The following COX7A2L variants were observed in gnomAD, a reference collection of about 807,000 sequenced individuals.
The protein encoded by COX7A2L is cytochrome c oxidase subunit 7A2-like, mitochondrial.
Under a neutral mutation model 14.2 loss-of-function variants are expected in COX7A2L, and 18 were observed. That is an observed-to-expected ratio of 1.27 (90% CI 0.88 to 1.88). The LOEUF (loss-of-function observed/expected upper bound fraction) is 1.88, where lower values mean the gene tolerates loss of function less well. Ranked by LOEUF, COX7A2L falls within the 40% of genes most tolerant of loss-of-function variation. The pLI is 0.00. For missense variants in COX7A2L, 179 were observed against 138.8 expected (o/e 1.29, Z -1.46); for synonymous variants, 65 against 57.4 (o/e 1.13, Z -0.60).
downstream of COX7A2L, among the ~76,000 whole-genome samples, chr2:42,349,144 A>G (rs889732908): frequency 5.9e-5 from 9 of 152,356 alleles, no homozygotes; most frequent in African/African-American, 2.2e-4. Context: ...ACATATGTCC[A>G]TGTAAACATA....
Position 42,351,301 on chromosome 2 carries a change from C to A in COX7A2L, c.263G>T (p.Arg88Leu). 6.2e-7 allele frequency: 1 copy of A among 1,614,058 alleles called. No homozygotes were observed. Among genetic ancestry groups the A allele is most frequent in the Non-Finnish European group, 8.5e-7 (1 of 1,180,014 alleles). Residue 88 changes from arginine to leucine, a missense_variant, in exon 3 of 3, where the codon CGG becomes CTG. Coordinates refer to ENST00000234301, the MANE Select transcript of COX7A2L (RefSeq NM_004718.4). ...TCCCACAGTCAGCGCCATGGTGGTC[C>A]GGTAAAGCATTTGGTCAGGCAGGCC... is the stretch of plus-strand genomic sequence containing the variant. ...KRGLPDQMLYRTTMALTVGGT... is the reference protein window; with the variant it reads ...KRGLPDQMLYLTTMALTVGGT...
intron 1 of COX7A2L, among the ~76,000 whole-genome samples, chr2:42,357,106 G>C (rs1670845105): frequency 6.6e-6 from 1 of 152,256 alleles, no homozygotes; most frequent in East Asian, 1.9e-4. Flanking sequence ...AATTTTTAAA[G>C]AGAAAAGTAA....
At chr2:42,353,182 G>A (rs539652194) in intron 2 of COX7A2L, 30 bp downstream of exon 2, 3 of 1,601,852 alleles carry the variant, frequency 1.9e-6, no homozygotes, top group African/African-American at 1.4e-5. Flanking sequence ...TATTTCACAG[G>A]CTTTTCTGTT....
chr2:42,367,800 A>G (rs1423380385), intron 1 of COX7A2L, among the ~76,000 whole-genome samples: 1 of 152,250 alleles, frequency 6.6e-6, no homozygotes, highest in Non-Finnish European at 1.5e-5. Flanking sequence ...GCTTTCTGAC[A>G]GCAGGGAGAG....
intron 2 of COX7A2L, among the ~76,000 whole-genome samples, chr2:42,352,142 T>C (rs1015797562): frequency 2.6e-5 from 4 of 152,218 alleles, no homozygotes; most frequent in Non-Finnish European, 1.5e-5. Context: ...CATTTAATAA[T>C]CAAATTCCAT....
chr2:42,364,606 T>C (rs144469068), upstream of COX7A2L, among the ~76,000 whole-genome samples: 31 of 152,336 alleles, frequency 2.0e-4, no homozygotes, highest in East Asian at 7.7e-4. Context: ...GTAATTTTCA[T>C]GTGGCAGAAA....
intron 1 of COX7A2L, among the ~76,000 whole-genome samples, chr2:42,357,923 T>C (rs1158900978): frequency 6.6e-6 from 1 of 152,310 alleles, no homozygotes; most frequent in Non-Finnish European, 1.5e-5. Flanking sequence ...CAAACTTACC[T>C]ACCCAATGCT....
intron 1 of COX7A2L, chr2:42,359,689 C>T (rs926590111): frequency 6.6e-6 from 1 of 152,078 alleles, no homozygotes; most frequent in Non-Finnish European, 1.5e-5. Flanking sequence ...AACCTTTCTT[C>T]CCTACAAATT....
rs976251396 is a variant in COX7A2L, at chr2:42,349,650, T to C, written c.*1569A>G. 2 of 152,190 alleles carry C rather than the reference T, an allele frequency of 1.3e-5. No individual in the cohort carries two copies. Among genetic ancestry groups the C allele is most frequent in the East Asian group, 3.8e-4 (2 of 5,202 alleles). The allele number at this position is 152,190 out of a possible 1,614,324, so 9.4% of individuals were successfully genotyped here. ...CTGTTATTTTTTAAAAACACAACTA[T>C]GAAGAACTCATTATTAGAACACCTG... is the stretch of plus-strand genomic sequence containing the variant. On this transcript the variant is annotated 3_prime_UTR_variant, in exon 3 of 3. Transcript: ENST00000234301.
chr2:42,351,085 C>G lies in COX7A2L; in HGVS notation c.*134G>C. ...GCATTTCATAAACAAACCAAAACAT[C>G]ATCTTCATATCTTCCTATTTTTCTT... On this transcript the variant is annotated 3_prime_UTR_variant, in exon 3 of 3. Transcript: ENST00000234301. 4.0e-6 allele frequency: 4 copies of G among 991,586 alleles called. No individual in the cohort carries two copies. The highest frequency in any genetic ancestry group is 5.7e-6 in the Non-Finnish European group (4 of 696,344). The allele number at this position is 991,586 out of a possible 1,614,324, so 61.4% of individuals were successfully genotyped here. A position where few individuals can be genotyped will look rare whatever the true frequency, so the allele number is the denominator to read the frequency against.
At chr2:42,353,843 C>G (rs1318711169) in intron 1 of COX7A2L, among the ~76,000 whole-genome samples, 2 of 152,098 alleles carry the variant, frequency 1.3e-5, no homozygotes, top group Non-Finnish European at 2.9e-5. Flanking sequence ...AAAAACTTTT[C>G]GAAATGAACT....
At position 42,355,063 on chromosome 2, in the gene COX7A2L, G is replaced by A. The variant is rs1317412483; in HGVS notation, c.73-1720C>T. On this transcript the variant is annotated intron_variant, in intron 1 of 2. Transcript: ENST00000234301. ...GGCCTTTCTCAAGTCCAGAGCCCTG[G>A]CTTTTAAGTATTCCACAACTCACAC... Among the ~76,000 whole-genome samples, 6 of 152,276 alleles carry A rather than the reference G, an allele frequency of 3.9e-5. No homozygotes were observed. In the East Asian group the frequency reaches 9.6e-4, roughly 24 times the overall value.
upstream of COX7A2L, among the ~76,000 whole-genome samples, chr2:42,364,727 T>C (rs1248707803): frequency 6.6e-6 from 1 of 152,194 alleles, no homozygotes; most frequent in Non-Finnish European, 1.5e-5. Context: ...ACCAAATCTT[T>C]CTTAAAGCAT....
At chr2:42,364,095 T>G (rs377101236), upstream of COX7A2L, among the ~76,000 whole-genome samples, 20 of 152,020 alleles carry the variant, frequency 1.3e-4, no homozygotes, top group African/African-American at 4.8e-4. Context: ...GACAGTGATA[T>G]AAAAAATTAG....
intron 2 of COX7A2L, among the ~76,000 whole-genome samples, chr2:42,343,145 G>A (rs1670433262): frequency 1.3e-5 from 2 of 152,102 alleles, no homozygotes; most frequent in South Asian, 4.1e-4. Context: ...CATGACATGG[G>A]TTCCCAGAAC....
intron 2 of COX7A2L, among the ~76,000 whole-genome samples, chr2:42,341,262 T>C (rs2103875102): frequency 6.6e-6 from 1 of 151,886 alleles, no homozygotes; most frequent in South Asian, 2.1e-4. Flanking sequence ...AGAACTCACA[T>C]CTACCCCTTG....
In COX7A2L at chr2:42,349,403, G is replaced by A. The variant is rs1393482597; in HGVS notation, c.*1816C>T. On this transcript the variant is annotated 3_prime_UTR_variant, in exon 3 of 3. Coordinates refer to ENST00000234301, the MANE Select transcript of COX7A2L (RefSeq NM_004718.4). ...TGTCCAGGAAAGACAAATCCATAGA[G>A]ACTGAAAGTAGATGAGTGCTTGCTT... The A allele has an allele frequency of 6.6e-6, 1 of 152,202 alleles. No homozygotes were observed. Among genetic ancestry groups the A allele is most frequent in the Non-Finnish European group, 1.5e-5 (1 of 68,046 alleles). 9.4% of individuals were successfully genotyped at this position (152,202 alleles called of 1,614,324 possible). A position where few individuals can be genotyped will look rare whatever the true frequency, so the allele number is the denominator to read the frequency against.
In COX7A2L at chr2:42,353,226, G is replaced by A. The variant is rs909026421; in HGVS notation, c.190C>T (p.Gln64Ter). 6.2e-7 allele frequency: 1 copy of A among 1,613,828 alleles called. No individual in the cohort carries two copies. The highest frequency in any genetic ancestry group is 1.7e-5 in the Admixed American group (1 of 59,932). Residue 64 changes from glutamine to a stop codon, truncating the protein, a stop_gained, in exon 2 of 3, where the codon CAA (glutamine) becomes TAA (stop). Transcript: ENST00000234301. LOFTEE classifies it high-confidence loss of function. ...YAGKNKVPEL[Q>*]KFFQKADGVP... is the part of the protein sequence containing the mutation. The stretch of plus-strand genomic sequence containing the variant: ...TCTTCCCTCACCTGGAAAAACTTTT[G>A]TAGCTCTGGAACTTTGTTTTTCCCA...
rs922973814 is a variant in COX7A2L at position 42,339,102 on chromosome 2, C to A, written c.193-5233G>T. Reference sequence around the variant, plus strand: ...CTCCGTTAATAAAGCTGCCGTTCACCATGCCAAAGCTGAAGTGGTTTCTAT... The same window carrying A: ...CTCCGTTAATAAAGCTGCCGTTCACAATGCCAAAGCTGAAGTGGTTTCTAT... On this transcript the variant is annotated intron_variant, in intron 2 of 2. Coordinates refer to the COX7A2L transcript ENST00000468711. This position sits in a 1 kb window ranked among gnomAD's most constrained non-coding sequence, Gnocchi z 5.4. Among the ~76,000 whole-genome samples the A allele has an allele frequency of 6.6e-6, 1 of 152,218 alleles. No homozygotes were observed. Among genetic ancestry groups the A allele is most frequent in the Non-Finnish European group, 1.5e-5 (1 of 68,036 alleles).
Sources: gnomAD v4.1 joint callset for allele counts (sites outside exome capture counted in the v4.1 genomes callset) on GRCh38, gnomAD v4.1.1 for gene constraint, Gnocchi (gnomAD v3.1) non-coding constraint, MANE v1.5 for transcripts, NCBI Gene and HGNC (gene_info 2026-07-23, HGNC 2026-07-21) for gene names.